The following FHIT variants were observed in gnomAD, a reference collection of about 807,000 sequenced individuals.
FHIT encodes the protein fragile histidine triad diadenosine triphosphatase.
In FHIT, 19 loss-of-function variants were observed where a neutral mutation model predicts 17.9. That is an observed-to-expected ratio of 1.06 (90% confidence interval 0.74 to 1.56). The LOEUF (loss-of-function observed/expected upper bound fraction) is 1.56, where lower values mean the gene tolerates loss of function less well. Ranked by LOEUF, FHIT falls within the 40% of genes most tolerant of loss-of-function variation. The probability of loss-of-function intolerance (pLI) is 0.00; values close to 1 mark genes in which losing one functional copy is unlikely to be tolerated. For missense variants in FHIT, 248 were observed against 189.2 expected (o/e 1.31, Z -1.82); for synonymous variants, 81 against 69.7 (o/e 1.16, Z -0.81).
At chr3:59,775,898 C>G (rs1001556235) in intron 8 of FHIT, among the ~76,000 whole-genome samples, 1 of 152,242 alleles carries the variant, frequency 6.6e-6, no homozygotes, top group African/African-American at 2.4e-5. Flanking sequence ...AAGTGGTGAG[C>G]GATGGAGAAG....
At chr3:60,229,814 T>C (rs2107550131) in intron 5 of FHIT, among the ~76,000 whole-genome samples, 1 of 152,268 alleles carries the variant, frequency 6.6e-6, no homozygotes, top group South Asian at 2.1e-4. Context: ...TCCATATCTC[T>C]AAAAGGACTT....
At chr3:60,069,465 T>C (rs560794579) in intron 5 of FHIT, among the ~76,000 whole-genome samples, 10 of 152,312 alleles carry the variant, frequency 6.6e-5, no homozygotes, top group Admixed American at 6.5e-4. Flanking sequence ...ATTGAGCACA[T>C]ACATTACATA....
At chr3:60,428,420 T>C (rs1407588380) in intron 5 of FHIT, among the ~76,000 whole-genome samples, 1 of 152,134 alleles carries the variant, frequency 6.6e-6, no homozygotes, top group Non-Finnish European at 1.5e-5. Flanking sequence ...TCTTCCTATA[T>C]CCCTTTACTG....
chr3:60,129,664 T>C (rs1699446926), intron 5 of FHIT, among the ~76,000 whole-genome samples: 1 of 152,180 alleles, frequency 6.6e-6, no homozygotes, highest in Non-Finnish European at 1.5e-5. Flanking sequence ...TTTTCTGCTT[T>C]GCTTCATTCA....
In FHIT at chr3:60,554,209, G is replaced by T. The variant is rs114840030; in HGVS notation, c.-17-17230C>A. ...CTCAGTCTGATGGAGGCCGAGATTC[G>T]TTTTTTTCATTCTGAGATTCATCTT... On this transcript the variant is annotated intron_variant, in intron 4 of 9. Transcript: ENST00000492590. 5.4e-3 allele frequency among the ~76,000 whole-genome samples: 809 copies of T among 150,514 alleles called. 5 individuals are homozygous for T. Among genetic ancestry groups the T allele is most frequent in the African/African-American group, 0.019 (777 of 40,942 alleles).
At chr3:60,150,267 G>A (rs971355794) in intron 5 of FHIT, among the ~76,000 whole-genome samples, 4 of 152,020 alleles carry the variant, frequency 2.6e-5, no homozygotes, top group Non-Finnish European at 4.4e-5. Flanking sequence ...AAAGTGCTGG[G>A]ATTACAGGCA....
At position 60,830,855 on chromosome 3, in the gene FHIT, T is replaced by C. The variant is rs575985218; in HGVS notation, c.-110-8844A>G. 5.3e-5 allele frequency among the ~76,000 whole-genome samples: 8 copies of C among 152,238 alleles called. No individual in the cohort carries two copies. In the South Asian group the frequency reaches 1.7e-3, roughly 32 times the overall value. On this transcript the variant is annotated intron_variant, in intron 3 of 9. Transcript: ENST00000492590. ...ACACACAAAACAAATGTTGCATTTA[T>C]GGAAGTATTAAAACATCTCATCCTT...
chr3:59,912,599 C>G (rs1047886490), intron 8 of FHIT, among the ~76,000 whole-genome samples: 1 of 152,130 alleles, frequency 6.6e-6, no homozygotes, highest in Admixed American at 6.5e-5. Context: ...AACAGAGAAG[C>G]CAGTGAAATT....
Position 59,900,728 on chromosome 3 carries a change from G to A in FHIT, c.348+21618C>T, listed in dbSNP as rs998373409. Among the ~76,000 whole-genome samples the A allele has an allele frequency of 6.6e-5, 10 of 152,024 alleles. No individual in the cohort carries two copies. The South Asian group carries it at 1.5e-3, about 22-fold the overall frequency. ...TCCCAGGTTGAAGCAATTCTCCTAC[G>A]TCAGCCTCCTGAGTAACTGTGATTA... On this transcript the variant is annotated intron_variant, in intron 8 of 9. Coordinates refer to ENST00000492590, the MANE Select transcript of FHIT (RefSeq NM_002012.4).
At chr3:60,472,182 CA>C (rs1403318414) in intron 5 of FHIT, among the ~76,000 whole-genome samples, 2 of 151,246 alleles carry the variant, frequency 1.3e-5, no homozygotes, top group Non-Finnish European at 2.9e-5. Flanking sequence ...GCAAAAACAA[CA>C]GCAAGAGGAA....
intron 5 of FHIT, among the ~76,000 whole-genome samples, chr3:60,454,007 T>C (rs1213256606): frequency 6.6e-6 from 1 of 152,138 alleles, no homozygotes; most frequent in East Asian, 1.9e-4. Flanking sequence ...GAAGATGCCA[T>C]GTTCATTTAA....
At chr3:61,193,092 T>C (rs2038761739) in intron 2 of FHIT, among the ~76,000 whole-genome samples, 1 of 152,174 alleles carries the variant, frequency 6.6e-6, no homozygotes. Context: ...ACTTTTCTTT[T>C]TCAAAAAAGC....
intron 2 of FHIT, among the ~76,000 whole-genome samples, chr3:61,066,919 T>C (rs2034631238): frequency 2.0e-5 from 3 of 152,212 alleles, no homozygotes; most frequent in Non-Finnish European, 4.4e-5. Flanking sequence ...GTGTGGAATG[T>C]ACCCACAACT....
chr3:60,978,938 A>G (rs1460426495), intron 3 of FHIT, among the ~76,000 whole-genome samples: 1 of 152,208 alleles, frequency 6.6e-6, no homozygotes, highest in Admixed American at 6.5e-5. Context: ...CATTTCGAAT[A>G]CTTTTCTGAC....
intron 3 of FHIT, among the ~76,000 whole-genome samples, chr3:61,007,670 T>C (rs1483651382): frequency 6.6e-6 from 1 of 152,044 alleles, no homozygotes; most frequent in African/African-American, 2.4e-5. Context: ...TGCATGCAAA[T>C]GCCCTATGCG....
At chr3:60,685,126 C>A (rs976747144) in intron 4 of FHIT, among the ~76,000 whole-genome samples, 1 of 152,164 alleles carries the variant, frequency 6.6e-6, no homozygotes, top group Non-Finnish European at 1.5e-5. Context: ...CTAGCCCAAG[C>A]CCGTTGGCTT....
intron 5 of FHIT, among the ~76,000 whole-genome samples, chr3:60,338,039 T>C (rs1710327894): frequency 6.6e-6 from 1 of 152,206 alleles, no homozygotes; most frequent in African/African-American, 2.4e-5. Flanking sequence ...TTTCGAATTT[T>C]TTTTCCCATT....
chr3:60,574,999 T>G (rs377115999), intron 4 of FHIT, among the ~76,000 whole-genome samples: 7 of 152,100 alleles, frequency 4.6e-5, no homozygotes, highest in African/African-American at 1.7e-4. Context: ...CACATCTTTA[T>G]GGGCCCAAGA....
intron 5 of FHIT, among the ~76,000 whole-genome samples, chr3:60,019,375 G>C (rs995257588): frequency 3.3e-5 from 5 of 149,796 alleles, no homozygotes; most frequent in African/African-American, 1.2e-4. Flanking sequence ...GGCTGTCCTA[G>C]TGAGTAAATA....
Sources: gnomAD v4.1 joint callset for allele counts (sites outside exome capture counted in the v4.1 genomes callset) on GRCh38, gnomAD v4.1.1 for gene constraint, MANE v1.5 for transcripts, NCBI Gene and HGNC (gene_info 2026-07-23, HGNC 2026-07-21) for gene names.